Variants in DIAPH2 observed in about 807,000 individuals in gnomAD.
DIAPH2 encodes the protein protein diaphanous homolog 2.
Under a neutral mutation model 92.7 loss-of-function variants are expected in DIAPH2, and 35 were observed. The ratio of observed to expected loss-of-function variants is 0.38; its 90% CI spans 0.29 to 0.50. The LOEUF (loss-of-function observed/expected upper bound fraction) is 0.50, where lower values mean the gene tolerates loss of function less well. DIAPH2 is among the 20% of genes least tolerant of loss of function. DIAPH2 has a pLI of 0.94. For missense variants in DIAPH2, 701 were observed against 819.5 expected, an observed-to-expected ratio of 0.86 and a Z score of 1.77; for synonymous variants, 301 against 280.4, an observed-to-expected ratio of 1.07 and a Z score of -0.73.
chrX:97,070,540 TG>T (rs1425264546), intron 17 of DIAPH2, among the ~76,000 whole-genome samples: 1 of 111,666 alleles, frequency 9.0e-6, no homozygotes, highest in East Asian at 2.8e-4. Flanking sequence ...TCTAAGCCTG[TG>T]GTCATGATCC....
intron 26 of DIAPH2, among the ~76,000 whole-genome samples, chrX:97,560,477 A>G (rs962619678): frequency 1.8e-5 from 2 of 110,904 alleles, no homozygotes; most frequent in Non-Finnish European, 3.8e-5. Flanking sequence ...ATTAATGTGT[A>G]TATTCTTTTC....
chrX:97,003,130 C>CTT (rs376526447), intron 17 of DIAPH2, among the ~76,000 whole-genome samples: 3 of 103,009 alleles, frequency 2.9e-5, no homozygotes, highest in Non-Finnish European at 6.0e-5. Flanking sequence ...GGATCACATT[C>CTT]TTTTTTTTTT....
intron 4 of DIAPH2, among the ~76,000 whole-genome samples, chrX:96,870,437 AT>A (rs10600564): frequency 0.13 from 10,498 of 79,623 alleles, 1,624 homozygotes; most frequent in African/African-American, 0.41. Flanking sequence ...AATTTTTTGT[AT>A]TTTTTTTTTT....
rs148362659 is a variant in DIAPH2, at chrX:97,104,115, T to A, written c.2349+4320T>A. ...AATCATCCTGGATTTTAATTAAATG[T>A]TTATATATGAGGTTACTTCTTGACT... On this transcript the variant is annotated intron_variant, in intron 20 of 26. Transcript: ENST00000324765. Among the ~76,000 whole-genome samples, 23 of 111,863 alleles carry A rather than the reference T, an allele frequency of 2.1e-4. No homozygotes were observed. In the East Asian group the frequency reaches 5.9e-3, roughly 29 times the overall value.
intron 22 of DIAPH2, among the ~76,000 whole-genome samples, chrX:97,244,274 A>G (rs2068121464): frequency 1.8e-5 from 2 of 111,907 alleles, no homozygotes; most frequent in African/African-American, 6.5e-5. Context: ...ATTCTCACTT[A>G]TTACTTGACA....
intron 20 of DIAPH2, among the ~76,000 whole-genome samples, chrX:97,106,003 C>T (rs1223207351): frequency 2.7e-5 from 3 of 110,822 alleles, no homozygotes; most frequent in Non-Finnish European, 3.8e-5. Context: ...TTTAAAGCCT[C>T]ATAAGAGCTT....
chrX:97,016,457 C>A (rs190295795), intron 17 of DIAPH2, among the ~76,000 whole-genome samples: 1 of 112,183 alleles, frequency 8.9e-6, no homozygotes, highest in Admixed American at 9.4e-5. Context: ...AATCAGCCTT[C>A]TTTATAAACA....
chrX:96,755,449 C>A (rs976317696), intron 3 of DIAPH2, among the ~76,000 whole-genome samples: 1 of 110,709 alleles, frequency 9.0e-6, no homozygotes, highest in Non-Finnish European at 1.9e-5. Flanking sequence ...ATCAGGAGAT[C>A]GAGATCATCC....
chrX:96,774,206 G>C (rs111464222), intron 4 of DIAPH2, among the ~76,000 whole-genome samples: 119 of 112,081 alleles, frequency 1.1e-3, no homozygotes, highest in African/African-American at 3.7e-3. Flanking sequence ...GCTGGGATTT[G>C]AATCCAGTCA....
intron 4 of DIAPH2, among the ~76,000 whole-genome samples, chrX:96,827,979 A>G (rs938324140): frequency 6.3e-5 from 7 of 111,947 alleles, no homozygotes; most frequent in South Asian, 3.7e-4. Context: ...TATGTTGACC[A>G]GGCTGGTATC....
intron 24 of DIAPH2, among the ~76,000 whole-genome samples, chrX:97,368,381 A>G (rs1282652583): frequency 8.9e-6 from 1 of 112,028 alleles, no homozygotes; most frequent in East Asian, 2.8e-4. Flanking sequence ...CACTTCTTTT[A>G]TTCTTCATCG....
At chrX:97,148,711 C>T (rs1247617072) in intron 22 of DIAPH2, among the ~76,000 whole-genome samples, 1 of 111,254 alleles carries the variant, frequency 9.0e-6, no homozygotes, top group East Asian at 2.8e-4. Context: ...AAATTAATTG[C>T]ATATCATTTT....
chrX:97,567,422 A>G (rs776437291), intron 26 of DIAPH2, among the ~76,000 whole-genome samples: 40 of 111,908 alleles, frequency 3.6e-4, no homozygotes, highest in Non-Finnish European at 3.6e-4. Context: ...CTGTCAGTTA[A>G]TAGTTGGTAC....
intron 26 of DIAPH2, among the ~76,000 whole-genome samples, chrX:97,538,441 T>C (rs1951283332): frequency 8.9e-6 from 1 of 111,828 alleles, no homozygotes; most frequent in Non-Finnish European, 1.9e-5. Context: ...ATCTTAACTA[T>C]TATATTGTGA....
intron 17 of DIAPH2, among the ~76,000 whole-genome samples, chrX:96,994,881 G>A (rs910511473): frequency 3.7e-4 from 41 of 111,165 alleles, no homozygotes; most frequent in African/African-American, 9.8e-4. Flanking sequence ...TGGTCTCTCA[G>A]TTGACACGTG....
intron 24 of DIAPH2, among the ~76,000 whole-genome samples, chrX:97,349,875 A>G (rs2069195519): frequency 8.9e-6 from 1 of 111,761 alleles, no homozygotes; most frequent in Non-Finnish European, 1.9e-5. Context: ...GGTTATATCT[A>G]CTTGGATTAT....
chrX:97,139,983 A>G (rs778838025), intron 21 of DIAPH2, among the ~76,000 whole-genome samples: 15 of 110,124 alleles, frequency 1.4e-4, no homozygotes, highest in Middle Eastern at 4.6e-3. Flanking sequence ...GATGTCCTAA[A>G]AAACTAGGTG....
At position 97,254,716 on chromosome X, in the gene DIAPH2, T is replaced by C. The variant is rs186202779; in HGVS notation, c.2844+6877T>C. ...TTATTTTATTTATTTTATTTTATTT[T>C]ATTTTATTTATTTTATTTTATTTTT... On this transcript the variant is annotated intron_variant, in intron 23 of 26. Coordinates refer to ENST00000324765, the MANE Select transcript of DIAPH2 (RefSeq NM_006729.5). 3.0e-3 allele frequency among the ~76,000 whole-genome samples: 320 copies of C among 108,091 alleles called. 1 individual carries two copies. The highest frequency in any genetic ancestry group is 0.01 in the African/African-American group (296 of 29,170). The allele number at this position is 108,091 out of a possible 115,157, so 93.9% of individuals were successfully genotyped here.
intron 26 of DIAPH2, among the ~76,000 whole-genome samples, chrX:97,579,026 T>C (rs1414463165): frequency 1.2e-4 from 12 of 100,568 alleles, no homozygotes; most frequent in Middle Eastern, 4.9e-3. Context: ...TTGTTTGTTT[T>C]TTTCTTGTAA....
Sources: allele counts gnomAD v4.1 joint callset (sites outside exome capture counted in the v4.1 genomes callset), GRCh38; gene constraint gnomAD v4.1.1; transcripts MANE v1.5; gene names NCBI Gene and HGNC (gene_info 2026-07-23, HGNC 2026-07-21).